MTMR8: variants seen among roughly 807,000 people sequenced by gnomAD.
MTMR8 encodes the protein myotubularin related protein 8.
In MTMR8, 65 loss-of-function variants were observed where a neutral mutation model predicts 39.3. The observed-to-expected ratio is 1.65, with a 90% confidence interval of 1.35 to 2.03. The LOEUF (loss-of-function observed/expected upper bound fraction) is 2.03, where lower values mean the gene tolerates loss of function less well. Among genes scored for constraint, MTMR8 ranks in the 30% most tolerant of loss-of-function variants. The pLI is 0.00. For synonymous variants in MTMR8, 245 were observed against 185.2 expected (o/e 1.32, Z -2.62); for missense variants, 777 against 538.9 (o/e 1.44, Z -4.37).
intron 12 of MTMR8, among the ~76,000 whole-genome samples, chrX:64,313,238 A>G (rs1922367010): frequency 8.9e-6 from 1 of 112,288 alleles, no homozygotes; most frequent in Admixed American, 9.5e-5. Context: ...ATCTTCACCA[A>G]TTATCTTAGC....
At chrX:64,348,071 G>T in intron 6 of MTMR8, among the ~76,000 whole-genome samples, 1 of 110,995 alleles carries the variant, frequency 9.0e-6, no homozygotes, top group Middle Eastern at 4.6e-3. Flanking sequence ...TCTCTGGGAC[G>T]AAGATTTAAA....
At chrX:64,384,580 C>T (rs1006403843) in intron 1 of MTMR8, among the ~76,000 whole-genome samples, 9 of 112,342 alleles carry the variant, frequency 8.0e-5, no homozygotes, top group Non-Finnish European at 1.5e-4. Context: ...AATCTGTGCC[C>T]CTGCAAGCTT....
chrX:64,343,712 A>T lies in MTMR8; in HGVS notation c.874T>A (p.Leu292Met), dbSNP rs767164902. The T allele has an allele frequency of 1.3e-4, 155 of 1,180,335 alleles. 1 individual carries two copies. The South Asian group carries it at 2.6e-3, about 20-fold the overall frequency. The change falls in exon 8 of 14, where the codon TTG becomes ATG. Residue 292 changes from leucine (L) to methionine (M), a missense_variant. By Grantham distance (15) the Leu-to-Met change is conservative. Coordinates refer to ENST00000374852, the MANE Select transcript of MTMR8 (RefSeq NM_017677.4). Reference sequence around the variant, plus strand: ...AATTCACTCATTGTTGGAGTTTTCAATTCACAAACTAAGGTAGAAAAGGAA... The same window carrying T: ...AATTCACTCATTGTTGGAGTTTTCATTTCACAAACTAAGGTAGAAAAGGAA... ...SLQKLLEVCE[L>M]KTPTMSEFLS...
chrX:64,374,084 G>C (rs1045068168), intron 1 of MTMR8, among the ~76,000 whole-genome samples: 1 of 111,607 alleles, frequency 9.0e-6, no homozygotes, highest in Non-Finnish European at 1.9e-5. Context: ...CATCCCATGG[G>C]AAATAAAAGT....
Position 64,305,405 on chromosome X carries a change from A to C in MTMR8, c.1481+23367T>G, listed in dbSNP as rs999058543. The C allele has an allele frequency of 1.2e-5, 3 of 253,107 alleles. No homozygotes were observed. The East Asian group carries it at 2.7e-4, about 22-fold the overall frequency. The allele number at this position is 253,107 out of a possible 1,213,427, so 20.9% of individuals were successfully genotyped here. A position where few individuals can be genotyped will look rare whatever the true frequency, so the allele number is the denominator to read the frequency against. On this transcript the variant is annotated intron_variant, in intron 12 of 13. Coordinates refer to ENST00000374852, the MANE Select transcript of MTMR8 (RefSeq NM_017677.4). ...TTATTATTCTTGGTACAATATTGGC[A>C]TCTATTACTGCCTGTATCTGCAGCT...
intron 6 of MTMR8, among the ~76,000 whole-genome samples, chrX:64,346,644 A>C (rs1252165296): frequency 9.1e-6 from 1 of 110,232 alleles, no homozygotes; most frequent in Non-Finnish European, 1.9e-5. Flanking sequence ...CTCTTTAAAA[A>C]TATGTCTGGC....
At chrX:64,367,250 C>T (rs1162015370) in intron 1 of MTMR8, among the ~76,000 whole-genome samples, 1 of 112,145 alleles carries the variant, frequency 8.9e-6, no homozygotes, top group Admixed American at 9.4e-5. Context: ...TCCTCCCTAA[C>T]TCATTTTATG....
chrX:64,337,489 C>G, intron 8 of MTMR8, 96 bp from the exon 9 acceptor site: 5 of 965,746 alleles, frequency 5.2e-6, no homozygotes, highest in Non-Finnish European at 7.1e-6. Context: ...GCACAGAGAA[C>G]CTGGTCTTAT....
intron 12 of MTMR8, among the ~76,000 whole-genome samples, chrX:64,300,155 G>C (rs964726734): frequency 9.4e-6 from 1 of 106,321 alleles, no homozygotes; most frequent in Non-Finnish European, 1.9e-5. Context: ...CTGTCTCATT[G>C]ATCTGTCTAA....
At chrX:64,388,662 T>C (rs765054112) in intron 1 of MTMR8, among the ~76,000 whole-genome samples, 11 of 112,363 alleles carry the variant, frequency 9.8e-5, no homozygotes, top group Non-Finnish European at 1.7e-4. Context: ...TCCAGATTGA[T>C]ACCAGCATTT....
chrX:64,341,721 T>A (rs1278397338), intron 8 of MTMR8, among the ~76,000 whole-genome samples: 2 of 111,491 alleles, frequency 1.8e-5, no homozygotes, highest in African/African-American at 6.5e-5. Context: ...TGGTACTGTA[T>A]TAGACAGTAC....
chrX:64,295,717 C>T (rs1322719034), intron 12 of MTMR8, among the ~76,000 whole-genome samples: 1 of 111,063 alleles, frequency 9.0e-6, no homozygotes, highest in East Asian at 2.8e-4. Flanking sequence ...TGCTCAATGC[C>T]ACTAGTCATA....
intron 12 of MTMR8, among the ~76,000 whole-genome samples, chrX:64,278,716 C>T (rs1178035424): frequency 1.8e-5 from 2 of 110,046 alleles, no homozygotes; most frequent in Non-Finnish European, 3.8e-5. Flanking sequence ...TTGTGATCTG[C>T]CCGCCTCGGC....
chrX:64,314,573 C>A (rs761941217), intron 12 of MTMR8, among the ~76,000 whole-genome samples: 113 of 113,072 alleles, frequency 1.0e-3, no homozygotes, highest in Middle Eastern at 4.7e-3. Context: ...TTTGTGCCTG[C>A]CAAGGCTCCA....
intron 12 of MTMR8, among the ~76,000 whole-genome samples, chrX:64,272,397 A>G (rs767624309): frequency 9.0e-6 from 1 of 111,448 alleles, no homozygotes; most frequent in Admixed American, 9.6e-5. Flanking sequence ...AGAATCCAAT[A>G]GAGGAGTTCA....
chrX:64,364,366 G>A (rs1163472344), intron 1 of MTMR8, among the ~76,000 whole-genome samples: 1 of 111,628 alleles, frequency 9.0e-6, no homozygotes, highest in Non-Finnish European at 1.9e-5. Context: ...ACAGGCGGGT[G>A]CCCCTCTGGA....
intron 4 of MTMR8, among the ~76,000 whole-genome samples, chrX:64,352,795 T>C (rs1041041396): frequency 8.9e-6 from 1 of 111,772 alleles, no homozygotes; most frequent in Non-Finnish European, 1.9e-5. Context: ...TAGTTCAGGT[T>C]CTCATAACTT....
chrX:64,289,633 T>C (rs1341122147), intron 12 of MTMR8, among the ~76,000 whole-genome samples: 2 of 37,875 alleles, frequency 5.3e-5, no homozygotes. Context: ...TGAGACTCCA[T>C]CGCAAAAAAA....
In MTMR8 at chrX:64,354,837, A is replaced by C; in HGVS notation, c.408T>G (p.Phe136Leu). ...TTCTGTTGGGTATTCCCATACGCCC[A>C]AAGTCTGATATTGGGTCAATCAGTT... The part of the protein sequence containing the change: ...GWKLIDPISD[F>L]GRMGIPNRNW... Residue 136 changes from phenylalanine to leucine, a missense_variant, in exon 4 of 14, where the codon TTT becomes TTG. Phe to Leu is a conservative substitution (Grantham distance 22). Transcript: ENST00000374852. 8.3e-7 allele frequency: 1 copy of C among 1,207,061 alleles called. No individual in the cohort carries two copies. The highest frequency in any genetic ancestry group is 1.1e-6 in the Non-Finnish European group (1 of 892,501).
Sources: allele counts gnomAD v4.1 joint callset (sites outside exome capture counted in the v4.1 genomes callset), GRCh38; gene constraint gnomAD v4.1.1; transcripts MANE v1.5; gene names NCBI Gene and HGNC (gene_info 2026-07-23, HGNC 2026-07-21).